Variants in GSTM2 observed in about 807,000 individuals in gnomAD.
The protein encoded by GSTM2 is glutathione S-transferase mu 2.
In GSTM2, 33 loss-of-function variants were observed where a neutral mutation model predicts 33.3. The ratio of observed to expected loss-of-function variants is 0.99; its 90% CI spans 0.75 to 1.33. The LOEUF is 1.33. GSTM2 is among the 40% of genes most tolerant of loss of function. The pLI is 0.00. For synonymous variants in GSTM2, 93 were observed against 95.6 expected (o/e 0.97, Z 0.16); for missense variants, 213 against 265.8 (o/e 0.80, Z 1.38).
chr1:109,671,638 T>C (rs1647547489), intron 7 of GSTM2, 55 bp downstream of exon 7: 2 of 1,012,972 alleles, frequency 2.0e-6, no homozygotes, highest in African/African-American at 1.6e-5. Context: ...CCCTCCTTTG[T>C]GATGCTTTCC....
At chr1:109,679,190 G>A (rs1001479157), downstream of GSTM2, among the ~76,000 whole-genome samples, 1 of 150,680 alleles carries the variant, frequency 6.6e-6, no homozygotes, top group African/African-American at 2.5e-5. Flanking sequence ...ACATTTTCTG[G>A]CTGGGCATGG....
chr1:109,672,938 C>T (rs554796241), intron 7 of GSTM2, among the ~76,000 whole-genome samples: 24 of 150,076 alleles, frequency 1.6e-4, no homozygotes, highest in African/African-American at 5.9e-4. Flanking sequence ...GGAGCAATCT[C>T]GGCTCACTGC....
chr1:109,676,301 G>C (rs1647702861), downstream of GSTM2, among the ~76,000 whole-genome samples: 1 of 152,178 alleles, frequency 6.6e-6, no homozygotes, highest in Admixed American at 6.5e-5. Flanking sequence ...AGCATTTCTG[G>C]TGAGTAGGTC....
intron 7 of GSTM2, among the ~76,000 whole-genome samples, chr1:109,672,519 T>C (rs942468543): frequency 6.6e-6 from 1 of 152,160 alleles, no homozygotes; most frequent in African/African-American, 2.4e-5. Context: ...AGCCTCTGGA[T>C]CTATGGTTGG....
chr1:109,678,556 TTG>T (rs4025940), downstream of GSTM2, among the ~76,000 whole-genome samples: 133,945 of 151,560 alleles, frequency 0.88, 59,463 homozygotes, highest in East Asian at 0.98. Context: ...CCATCCTGGC[TTG>T]TACACGGTGA....
intron 1 of GSTM2, 37 bp from the exon 2 acceptor site, chr1:109,668,388 T>A: frequency 1.2e-6 from 2 of 1,605,264 alleles, no homozygotes; most frequent in African/African-American, 1.3e-5. Flanking sequence ...TCAGGGACCC[T>A]CCATCTCTGA....
At chr1:109,673,493 G>C in intron 7 of GSTM2, 1 of 491,568 alleles carries the variant, frequency 2.0e-6, no homozygotes, top group Non-Finnish European at 3.7e-6. Flanking sequence ...CAAGAGATCT[G>C]CTTGCTCAGC....
At chr1:109,676,712 T>C (rs71657112), downstream of GSTM2, among the ~76,000 whole-genome samples, 1 of 152,202 alleles carries the variant, frequency 6.6e-6, no homozygotes, top group African/African-American at 2.4e-5. Flanking sequence ...TTCCAAAGGC[T>C]GTGTGGGGAT....
At position 109,671,382 on chromosome 1, in the gene GSTM2, G is replaced by T. The variant is rs986373833; in HGVS notation, c.456G>T (p.Lys152Asn). 5 of 1,610,648 alleles carry T rather than the reference G, an allele frequency of 3.1e-6. 1 individual carries two copies. In the South Asian group the frequency reaches 5.5e-5, roughly 18 times the overall value. ...AGCAGCCATGGTTTCTTGGGGACAA[G>T]GTAATGGGGGCGTGTGATGGGGACA... The part of the protein sequence containing the change: ...LGKQPWFLGD[K>N]ITFVDFIAYD... Residue 152 changes from lysine to asparagine, a missense_variant and splice_region_variant, in exon 6 of 8, where the codon AAG becomes AAT. Lys to Asn is a moderately conservative substitution (Grantham distance 94, BLOSUM62 0). Transcript: ENST00000241337.
At position 109,668,977 on chromosome 1, in the gene GSTM2, G is replaced by A; in HGVS notation, c.165G>A (p.Leu55=). ...QWLNEKFKLG[L]DFPNLPYLID... ...TGAATGAAAAATTCAAGCTGGGCCT[G>A]GACTTTCCCAATGTAGGTGCAGGGG... is the stretch of plus-strand genomic sequence containing the variant. Residue 55 remains leucine, a synonymous_variant, in exon 3 of 8, where the codon CTG becomes CTA. Coordinates refer to ENST00000241337, the MANE Select transcript of GSTM2 (RefSeq NM_000848.4). 1 of 1,612,102 alleles carries A rather than the reference G, an allele frequency of 6.2e-7. No individual in the cohort carries two copies. Among genetic ancestry groups the A allele is most frequent in the African/African-American group, 1.3e-5 (1 of 74,874 alleles).
intron 5 of GSTM2, 49 bp from the exon 6 acceptor site, chr1:109,671,238 G>A (rs767693585): frequency 1.2e-5 from 17 of 1,380,126 alleles, no homozygotes; most frequent in Non-Finnish European, 1.8e-5. Context: ...GGCCGCATCT[G>A]TGCAGGGAGC....
chr1:109,679,197 A>T (rs1570633102), downstream of GSTM2, among the ~76,000 whole-genome samples: 1 of 151,724 alleles, frequency 6.6e-6, no homozygotes, highest in Non-Finnish European at 1.5e-5. Flanking sequence ...CTGGCTGGGC[A>T]TGGTGGCTCA....
At chr1:109,677,253 C>G (rs978619546), downstream of GSTM2, among the ~76,000 whole-genome samples, 2 of 152,248 alleles carry the variant, frequency 1.3e-5, no homozygotes, top group African/African-American at 2.4e-5. Context: ...AATACTGGCA[C>G]TGTCAACTAG....
At chr1:109,670,405 G>C (rs1016943508) in intron 5 of GSTM2, among the ~76,000 whole-genome samples, 26 of 152,202 alleles carry the variant, frequency 1.7e-4, no homozygotes, top group East Asian at 1.2e-3. Context: ...CACGGGTCCT[G>C]TTTTCTGTTT....
At chr1:109,682,959 T>C (rs566673710) in intron 7 of GSTM2, among the ~76,000 whole-genome samples, 1 of 114,608 alleles carries the variant, frequency 8.7e-6, no homozygotes, top group Admixed American at 8.6e-5. Context: ...GCCTTGAGAA[T>C]GTAAGAATGT....
At chr1:109,682,495 C>A (rs1043412892) in intron 7 of GSTM2, among the ~76,000 whole-genome samples, 1 of 103,896 alleles carries the variant, frequency 9.6e-6, no homozygotes, top group African/African-American at 2.8e-5. Flanking sequence ...CCGCCTTGGC[C>A]TCCCAAAGTG....
At chr1:109,676,458 T>C (rs1647706886), downstream of GSTM2, among the ~76,000 whole-genome samples, 1 of 151,974 alleles carries the variant, frequency 6.6e-6, no homozygotes, top group Admixed American at 6.6e-5. Context: ...TTCAAACAAT[T>C]CTCCTTCCTC....
rs982534029 is a variant in GSTM2 at position 109,673,339 on chromosome 1, G to C, written c.568-1408G>C. 8 of 1,488,110 alleles carry C rather than the reference G, an allele frequency of 5.4e-6. No homozygotes were observed. In the African/African-American group the frequency reaches 1.1e-4, roughly 21 times the overall value. The allele number at this position is 1,488,110 out of a possible 1,614,324, so 92.2% of individuals were successfully genotyped here. A position where few individuals can be genotyped will look rare whatever the true frequency, so the allele number is the denominator to read the frequency against. On this transcript the variant is annotated intron_variant, in intron 7 of 7. Transcript: ENST00000241337. ...CATCCTGGAAATGAGTGCAGTGAGA[G>C]GCCTGCAGGCAGAGCAGCCTGTGAA...
chr1:109,671,608 T>C, intron 7 of GSTM2, 25 bp downstream of exon 7: 1 of 1,130,446 alleles, frequency 8.8e-7, no homozygotes, highest in Non-Finnish European at 1.4e-6. Flanking sequence ...CTCCTTTCTC[T>C]TTATGTCTCT....
Sources: allele counts gnomAD v4.1 joint callset (sites outside exome capture counted in the v4.1 genomes callset), GRCh38; gene constraint gnomAD v4.1.1; transcripts MANE v1.5; gene names NCBI Gene and HGNC (gene_info 2026-07-23, HGNC 2026-07-21).